AFF3: variants seen among roughly 807,000 people sequenced by gnomAD.
AFF3 encodes AF4/FMR2 family member 3.
In AFF3, 32 loss-of-function variants were observed where a neutral mutation model predicts 129.7. That is an observed-to-expected ratio of 0.25 (90% CI 0.19 to 0.33). The LOEUF (loss-of-function observed/expected upper bound fraction) is 0.33, where lower values mean the gene tolerates loss of function less well. Ranked by LOEUF, AFF3 falls within the 10% of genes least tolerant of loss-of-function variation. The pLI is 1.00. For missense variants in AFF3, 1,373 were observed against 1,592.0 expected (o/e 0.86, Z 2.34); for synonymous variants, 644 against 635.4 (o/e 1.01, Z -0.20).
chr2:99,670,005 A>C (rs1687014564), intron 12 of AFF3, among the ~76,000 whole-genome samples: 1 of 152,182 alleles, frequency 6.6e-6, no homozygotes, highest in Non-Finnish European at 1.5e-5. Context: ...GTGACCTCAA[A>C]TTTCGATGAA....
At chr2:99,877,783 T>C (rs1043945426) in intron 7 of AFF3, among the ~76,000 whole-genome samples, 1 of 152,244 alleles carries the variant, frequency 6.6e-6, no homozygotes, top group African/African-American at 2.4e-5. Context: ...AGACTCTAGG[T>C]GTTAATTTTT....
intron 7 of AFF3, among the ~76,000 whole-genome samples, chr2:99,883,695 C>T (rs1002066227): frequency 6.6e-6 from 1 of 152,186 alleles, no homozygotes; most frequent in Non-Finnish European, 1.5e-5. Context: ...AGGGTGGCTT[C>T]TCTTCCCTTC....
chr2:100,073,096 C>G (rs1161801225), intron 4 of AFF3, among the ~76,000 whole-genome samples: 1 of 152,192 alleles, frequency 6.6e-6, no homozygotes, highest in Non-Finnish European at 1.5e-5. Context: ...GTCTAACATG[C>G]TGTTACAGGT....
intron 4 of AFF3, among the ~76,000 whole-genome samples, chr2:100,061,778 T>C (rs542753946): frequency 2.0e-3 from 301 of 151,996 alleles, no homozygotes; most frequent in African/African-American, 6.7e-3. Flanking sequence ...ACAGAGAATT[T>C]TGTTTTTCTT....
chr2:99,815,891 T>C (rs1303338917), intron 8 of AFF3, among the ~76,000 whole-genome samples: 1 of 151,992 alleles, frequency 6.6e-6, no homozygotes, highest in Non-Finnish European at 1.5e-5. Context: ...TTTGAGCTTC[T>C]GGGGTATGTG....
chr2:99,554,821 G>T, intron 22 of AFF3, 89 bp from the exon 23 acceptor site: 1 of 1,485,028 alleles, frequency 6.7e-7, no homozygotes, highest in Non-Finnish European at 9.3e-7. Flanking sequence ...ACTGCAGAGA[G>T]AAGCAAAGGC....
At chr2:99,746,523 C>T (rs1206322639) in intron 9 of AFF3, among the ~76,000 whole-genome samples, 2 of 152,162 alleles carry the variant, frequency 1.3e-5, no homozygotes, top group Non-Finnish European at 2.9e-5. Context: ...CCTAATAAAC[C>T]TCTTTCAATT....
intron 7 of AFF3, among the ~76,000 whole-genome samples, chr2:100,002,975 A>C (rs1255300397): frequency 1.3e-5 from 2 of 152,246 alleles, no homozygotes; most frequent in African/African-American, 2.4e-5. Flanking sequence ...GTTTAGGCTA[A>C]TGTAACTTTT....
chr2:99,740,082 G>A (rs978617289), intron 10 of AFF3, among the ~76,000 whole-genome samples: 9 of 151,188 alleles, frequency 6.0e-5, no homozygotes, highest in Non-Finnish European at 7.4e-5. Context: ...TTGTTCTTGC[G>A]ATAGTTTACT....
intron 3 of AFF3, chr2:100,104,719 C>G: frequency 1.0e-6 from 1 of 962,466 alleles, no homozygotes; most frequent in Non-Finnish European, 1.2e-6. Context: ...GCGAGCTCGC[C>G]GCGCCGCCGC....
intron 13 of AFF3, among the ~76,000 whole-genome samples, chr2:99,639,271 A>C (rs1199017935): frequency 2.6e-5 from 4 of 152,216 alleles, no homozygotes; most frequent in Non-Finnish European, 5.9e-5. Context: ...TGTGGAAATT[A>C]GTACTAGGGG....
intron 7 of AFF3, among the ~76,000 whole-genome samples, chr2:99,991,461 A>T (rs1212517847): frequency 2.0e-5 from 3 of 152,200 alleles, no homozygotes; most frequent in Non-Finnish European, 4.4e-5. Context: ...AACATTCACA[A>T]GACTTGCAAG....
intron 7 of AFF3, among the ~76,000 whole-genome samples, chr2:99,948,263 T>C (rs919353605): frequency 1.3e-5 from 2 of 152,198 alleles, no homozygotes; most frequent in East Asian, 1.9e-4. Flanking sequence ...TTTCCCAAGA[T>C]GGCCTGACTG....
intron 7 of AFF3, among the ~76,000 whole-genome samples, chr2:99,928,389 T>C (rs978232343): frequency 1.1e-4 from 17 of 152,170 alleles, no homozygotes; most frequent in Admixed American, 1.1e-3. Flanking sequence ...TCAAGGAAGC[T>C]TGAACTTGTT....
At chr2:99,763,351 T>C (rs910665558) in intron 8 of AFF3, among the ~76,000 whole-genome samples, 3 of 152,184 alleles carry the variant, frequency 2.0e-5, no homozygotes, top group African/African-American at 7.2e-5. Flanking sequence ...CAAACCTGTA[T>C]AGTTTGAAAA....
chr2:99,952,641 TA>T (rs1179382347), intron 7 of AFF3, among the ~76,000 whole-genome samples: 1 of 152,182 alleles, frequency 6.6e-6, no homozygotes, highest in Admixed American at 6.5e-5. Context: ...ATAACTTATA[TA>T]AAAATTATAT....
chr2:99,846,328 C>T (rs928374439), intron 7 of AFF3, among the ~76,000 whole-genome samples: 6 of 152,146 alleles, frequency 3.9e-5, no homozygotes, highest in African/African-American at 1.4e-4. Flanking sequence ...CAAGGTTTCA[C>T]CATGTTGGCC....
At chr2:100,120,874 G>A (rs1368926056) in intron 2 of AFF3, among the ~76,000 whole-genome samples, 1 of 152,128 alleles carries the variant, frequency 6.6e-6, no homozygotes, top group East Asian at 1.9e-4. Flanking sequence ...CTGGCCTCAA[G>A]CGATCCTCCT....
At chr2:99,689,725 A>C (rs1675422810) in intron 11 of AFF3, among the ~76,000 whole-genome samples, 1 of 151,038 alleles carries the variant, frequency 6.6e-6, no homozygotes, top group Non-Finnish European at 1.5e-5. Context: ...ACCTGCAAAG[A>C]GCACAGTCGA....
Sources: allele counts gnomAD v4.1 joint callset (sites outside exome capture counted in the v4.1 genomes callset), GRCh38; gene constraint gnomAD v4.1.1; transcripts MANE v1.5; gene names NCBI Gene and HGNC (gene_info 2026-07-23, HGNC 2026-07-21).